ABHD17B: variants seen among roughly 807,000 people sequenced by gnomAD.
ABHD17B encodes the protein abhydrolase domain containing 17B, depalmitoylase, also known as alpha/beta hydrolase domain-containing protein 17B.
ABHD17B carries 9 observed loss-of-function variants against 26.2 expected under a neutral mutation model. The ratio of observed to expected loss-of-function variants is 0.34; its 90% CI spans 0.21 to 0.60. ABHD17B has a LOEUF of 0.60. Among genes scored for constraint, ABHD17B ranks in the 20% least tolerant of loss-of-function variants. The pLI is 0.80. For synonymous variants in ABHD17B, 127 were observed against 122.3 expected (o/e 1.04, Z -0.25); for missense variants, 224 against 352.1 (o/e 0.64, Z 2.91).
At chr9:71,899,406 T>C (rs1178608494) in intron 1 of ABHD17B, among the ~76,000 whole-genome samples, 2 of 152,190 alleles carry the variant, frequency 1.3e-5, no homozygotes, top group Non-Finnish European at 2.9e-5. Context: ...TAGGGTATCT[T>C]TGGTGTAAAT....
intron 2 of ABHD17B, 28 bp downstream of exon 2, chr9:71,874,586 T>C: frequency 1.3e-6 from 2 of 1,518,244 alleles, no homozygotes; most frequent in Non-Finnish European, 1.8e-6. Context: ...ACCACGAGTA[T>C]GAAAAATAAA....
chr9:71,872,528 C>A (rs952424309), intron 2 of ABHD17B, among the ~76,000 whole-genome samples: 7 of 152,018 alleles, frequency 4.6e-5, no homozygotes, highest in Non-Finnish European at 1.0e-4. Context: ...AGTAAAGTGA[C>A]CCTTTTGCGT....
chr9:71,896,847 C>CA (rs1436633975), intron 1 of ABHD17B, among the ~76,000 whole-genome samples: 1 of 152,066 alleles, frequency 6.6e-6, no homozygotes, highest in Non-Finnish European at 1.5e-5. Context: ...CATGTTGTTA[C>CA]AAAAAAGATC....
chr9:71,867,007 C>A lies in ABHD17B; in HGVS notation c.648-1G>T. 6.2e-7 allele frequency: 1 copy of A among 1,613,496 alleles called. No homozygotes were observed. Among genetic ancestry groups the A allele is most frequent in the Non-Finnish European group, 8.5e-7 (1 of 1,179,898 alleles). On this transcript the variant is annotated splice_acceptor_variant, in intron 3 of 3. Transcript: ENST00000333421. LOFTEE classifies it high-confidence loss of function. Reference sequence around the variant, plus strand: ...GGTTATCTTAGAGATTTTGTCAATGCTGCAGGGAAAAAGGAAGGGGGAAAA... The same window carrying A: ...GGTTATCTTAGAGATTTTGTCAATGATGCAGGGAAAAAGGAAGGGGGAAAA...
chr9:71,884,146 T>C (rs1344862360), intron 1 of ABHD17B, among the ~76,000 whole-genome samples: 1 of 151,918 alleles, frequency 6.6e-6, no homozygotes, highest in Non-Finnish European at 1.5e-5. Context: ...ATCAGAGAAA[T>C]CAAAAAATAA....
In ABHD17B at chr9:71,874,363, T is replaced by C. The variant is rs917515106; in HGVS notation, c.467+251A>G. On this transcript the variant is annotated intron_variant, in intron 2 of 3. Transcript: ENST00000333421. ...TGGACTTCCAGCTAAGAATTTAAGTTAAAAAAAACATACATATATACGTGT... is the reference window on the plus strand; with the variant it reads ...TGGACTTCCAGCTAAGAATTTAAGTCAAAAAAAACATACATATATACGTGT... Among the ~76,000 whole-genome samples, 12 of 151,620 alleles carry C rather than the reference T, an allele frequency of 7.9e-5. No individual in the cohort carries two copies. In the East Asian group the frequency reaches 2.1e-3, roughly 27 times the overall value.
chr9:71,865,205 T>A lies in ABHD17B; in HGVS notation c.*1582A>T. The A allele has an allele frequency of 1.0e-6, 1 of 985,604 alleles. No homozygotes were observed. Among genetic ancestry groups the A allele is most frequent in the Non-Finnish European group, 1.2e-6 (1 of 829,926 alleles). The allele number at this position is 985,604 out of a possible 1,614,324, so 61.1% of individuals were successfully genotyped here. On this transcript the variant is annotated 3_prime_UTR_variant, in exon 4 of 4. Transcript: ENST00000333421. ...AATTTGACACATCTGAACCAAAGCA[T>A]TCACAATACTTGATATACTTTGAAG...
chr9:71,890,245 G>T (rs1826742881), intron 1 of ABHD17B, among the ~76,000 whole-genome samples: 1 of 152,114 alleles, frequency 6.6e-6, no homozygotes, highest in Non-Finnish European at 1.5e-5. Flanking sequence ...AGCCAAGTTT[G>T]TGCCACAGCA....
intron 1 of ABHD17B, among the ~76,000 whole-genome samples, chr9:71,903,068 C>G (rs529812469): frequency 6.6e-6 from 1 of 152,254 alleles, no homozygotes; most frequent in Admixed American, 6.5e-5. Context: ...TAAATCCTAC[C>G]CTTTTAATGT....
At chr9:71,888,954 C>A (rs1393642843) in intron 1 of ABHD17B, among the ~76,000 whole-genome samples, 1 of 150,166 alleles carries the variant, frequency 6.7e-6, no homozygotes, top group Non-Finnish European at 1.5e-5. Context: ...TCAAGTTCCA[C>A]AATAGGGATT....
At chr9:71,885,172 C>T (rs549354796) in intron 1 of ABHD17B, among the ~76,000 whole-genome samples, 7 of 152,076 alleles carry the variant, frequency 4.6e-5, no homozygotes, top group South Asian at 2.1e-4. Flanking sequence ...AGGCCGGGAA[C>T]GGTGGCTCAT....
intron 1 of ABHD17B, among the ~76,000 whole-genome samples, chr9:71,892,260 C>T (rs1229014330): frequency 6.6e-6 from 1 of 152,056 alleles, no homozygotes; most frequent in Non-Finnish European, 1.5e-5. Context: ...TGGCCAGGCG[C>T]AGTGACTCAC....
At chr9:71,909,182 G>T (rs1244001241) in intron 1 of ABHD17B, among the ~76,000 whole-genome samples, 2 of 152,160 alleles carry the variant, frequency 1.3e-5, no homozygotes, top group East Asian at 3.8e-4. Flanking sequence ...TGCCTAGCCT[G>T]CTAAAAATCT....
chr9:71,895,663 A>G (rs545062142), intron 1 of ABHD17B, among the ~76,000 whole-genome samples: 1 of 152,318 alleles, frequency 6.6e-6, no homozygotes, highest in South Asian at 2.1e-4. Flanking sequence ...TACTTAGTTA[A>G]CTTTCTTATT....
chr9:71,901,855 A>C (rs1189029213), intron 1 of ABHD17B, among the ~76,000 whole-genome samples: 2 of 152,198 alleles, frequency 1.3e-5, no homozygotes, highest in Non-Finnish European at 2.9e-5. Flanking sequence ...TCCATGCTCT[A>C]CACTGCCACC....
intron 1 of ABHD17B, among the ~76,000 whole-genome samples, chr9:71,888,902 T>A (rs1373311226): frequency 6.6e-6 from 1 of 152,006 alleles, no homozygotes; most frequent in Non-Finnish European, 1.5e-5. Flanking sequence ...GACAAAAACG[T>A]AAACGGTGAT....
intron 1 of ABHD17B, among the ~76,000 whole-genome samples, chr9:71,909,331 T>G (rs1209388314): frequency 6.6e-6 from 1 of 152,240 alleles, no homozygotes; most frequent in Non-Finnish European, 1.5e-5. Flanking sequence ...TTTTTACCTC[T>G]GCTGTTCCTT....
chr9:71,898,272 A>T (rs1436460705), intron 1 of ABHD17B, among the ~76,000 whole-genome samples: 1 of 152,102 alleles, frequency 6.6e-6, no homozygotes, highest in Non-Finnish European at 1.5e-5. Context: ...AAAATCCTCC[A>T]GGCTAGGAGG....
At position 71,874,685 on chromosome 9, in the gene ABHD17B, G is replaced by T. The variant is rs200715756; in HGVS notation, c.396C>A (p.Ala132=). 7.1e-5 allele frequency: 114 copies of T among 1,613,794 alleles called. No homozygotes were observed. The highest frequency in any genetic ancestry group is 1.7e-4 in the Middle Eastern group (1 of 6,058). ...TCTTCTCTGTGGGTTTCCCGGAACT[G>T]GCACCATATCCAGAATAATCATATG... ...IFSYDYSGYG[A]SSGKPTEKNL... Residue 132 remains alanine (A), a synonymous_variant, in exon 2 of 4, where the codon GCC becomes GCA. Coordinates refer to ENST00000333421, the MANE Select transcript of ABHD17B (RefSeq NM_001025780.3).
Sources: gnomAD v4.1 joint callset for allele counts (sites outside exome capture counted in the v4.1 genomes callset) on GRCh38, gnomAD v4.1.1 for gene constraint, MANE v1.5 for transcripts, NCBI Gene and HGNC (gene_info 2026-07-23, HGNC 2026-07-21) for gene names.